The following ADD1 variants were observed in gnomAD, a reference collection of about 807,000 sequenced individuals.
The protein encoded by ADD1 is adducin 1.
In ADD1, 24 loss-of-function variants were observed where a neutral mutation model predicts 80.5. That is an observed-to-expected ratio of 0.30 (90% CI 0.22 to 0.42). ADD1 has a LOEUF of 0.42. Among genes scored for constraint, ADD1 ranks in the 10% least tolerant of loss-of-function variants. The pLI, the probability that ADD1 is intolerant of heterozygous loss-of-function variation, is 1.00. For missense variants in ADD1, 948 were observed against 1,019.0 expected, an observed-to-expected ratio of 0.93 and a Z score of 0.95; for synonymous variants, 373 against 393.8, an observed-to-expected ratio of 0.95 and a Z score of 0.63.
chr4:2,922,664 G>A (rs1442466839), intron 14 of ADD1, among the ~76,000 whole-genome samples: 6 of 152,250 alleles, frequency 3.9e-5, no homozygotes, highest in Non-Finnish European at 8.8e-5. Context: ...GAGCTTGAGT[G>A]CTGTGCTGGG....
At chr4:2,877,690 G>A (rs1252314481) in intron 2 of ADD1, among the ~76,000 whole-genome samples, 1 of 152,108 alleles carries the variant, frequency 6.6e-6, no homozygotes, top group Non-Finnish European at 1.5e-5. Context: ...AGAGGGGGCC[G>A]GGTGTGGGTG....
At chr4:2,897,217 C>T (rs1735391537) in intron 6 of ADD1, among the ~76,000 whole-genome samples, 1 of 151,904 alleles carries the variant, frequency 6.6e-6, no homozygotes, top group Non-Finnish European at 1.5e-5. Flanking sequence ...AAGCCTGTTA[C>T]TTTAGGGTCA....
intron 2 of ADD1, among the ~76,000 whole-genome samples, chr4:2,877,793 TG>T (rs1381667498): frequency 1.3e-5 from 2 of 152,116 alleles, no homozygotes; most frequent in Non-Finnish European, 2.9e-5. Context: ...GAGACCAGCC[TG>T]GGGAATCCGC....
At chr4:2,848,543 G>A (rs1726599273) in intron 1 of ADD1, among the ~76,000 whole-genome samples, 1 of 152,036 alleles carries the variant, frequency 6.6e-6, no homozygotes, top group African/African-American at 2.4e-5. Flanking sequence ...ATCATAGTTT[G>A]CCGCAGCCTT....
At chr4:2,922,439 C>T (rs936934275) in intron 14 of ADD1, among the ~76,000 whole-genome samples, 2 of 152,218 alleles carry the variant, frequency 1.3e-5, no homozygotes, top group African/African-American at 4.8e-5. Context: ...CGACTCCAGG[C>T]CCTGTTTGCC....
chr4:2,915,601 A>C (rs1738865902), intron 14 of ADD1, among the ~76,000 whole-genome samples: 1 of 152,204 alleles, frequency 6.6e-6, no homozygotes, highest in African/African-American at 2.4e-5. Context: ...AGATTGCACC[A>C]CGGCACTCCA....
chr4:2,897,740 G>T (rs183227201), intron 6 of ADD1, among the ~76,000 whole-genome samples: 1 of 151,934 alleles, frequency 6.6e-6, no homozygotes, highest in Admixed American at 6.6e-5. Context: ...CCAGGCTGAC[G>T]TCGAACTTCC....
At chr4:2,895,889 ATTTT>A (rs1434204816) in intron 6 of ADD1, among the ~76,000 whole-genome samples, 1 of 142,456 alleles carries the variant, frequency 7.0e-6, no homozygotes. Context: ...GTAATGCTGT[ATTTT>A]TTTTTTTTTT....
At chr4:2,907,583 G>T in intron 10 of ADD1, 160 bp from the exon 11 acceptor site, 1 of 638,230 alleles carries the variant, frequency 1.6e-6, no homozygotes, top group South Asian at 1.8e-5. Context: ...CTGCTCCCAT[G>T]GCGACTCTGC....
At chr4:2,853,317 G>A (rs1727596435) in intron 1 of ADD1, 1 of 151,946 alleles carries the variant, frequency 6.6e-6, no homozygotes, top group African/African-American at 2.4e-5. Context: ...ATGTTGGCCA[G>A]GCTGGTCTCA....
chr4:2,907,996 T>C lies in ADD1; in HGVS notation c.1608+152T>C, dbSNP rs55700772. On this transcript the variant is annotated intron_variant, in intron 11 of 15. Transcript: ENST00000683351. ...AAGCCATCTCTTCACACCGCTGCTGTTCTACCACCAGTGTGAAGTATGAGC... is the reference window on the plus strand; with the variant it reads ...AAGCCATCTCTTCACACCGCTGCTGCTCTACCACCAGTGTGAAGTATGAGC... 5,649 of 655,794 alleles carry C rather than the reference T, an allele frequency of 8.6e-3. 48 individuals carry two copies. The highest frequency in any genetic ancestry group is 0.011 in the Non-Finnish European group (4,067 of 364,532). 40.6% of individuals were successfully genotyped at this position (655,794 alleles called of 1,614,324 possible). A position where few individuals can be genotyped will look rare whatever the true frequency, so the allele number is the denominator to read the frequency against.
Position 2,876,101 on chromosome 4 carries a change from G to A in ADD1, c.186G>A (p.Leu62=). 1 of 1,612,314 alleles carries A rather than the reference G, an allele frequency of 6.2e-7. No individual in the cohort carries two copies. The change falls in exon 2 of 16, where the codon CTG becomes CTA. Residue 62 remains leucine (L), a synonymous_variant. Coordinates refer to ENST00000683351, the MANE Select transcript of ADD1 (RefSeq NM_001354761.2). ...MEQKKRVSMI[L]QSPAFCEELE... is the part of the protein sequence containing the mutation. ...AAAAGAAGAGGGTGTCCATGATTCT[G>A]CAAAGCCCTGTGAGAAGAGAAGTCT...
At chr4:2,898,927 C>G in intron 8 of ADD1, 2 of 376,458 alleles carry the variant, frequency 5.3e-6, no homozygotes, top group Non-Finnish European at 9.7e-6. Context: ...GCTGTGAGTT[C>G]CCCTCCGCTC....
intron 2 of ADD1, 61 bp downstream of exon 2, chr4:2,876,171 C>A: frequency 6.6e-7 from 1 of 1,512,490 alleles, no homozygotes; most frequent in Non-Finnish European, 8.9e-7. Flanking sequence ...TACTTCAGGT[C>A]TTATGCCCTG....
At chr4:2,910,768 G>A (rs1737884538) in intron 13 of ADD1, among the ~76,000 whole-genome samples, 1 of 152,206 alleles carries the variant, frequency 6.6e-6, no homozygotes, top group African/African-American at 2.4e-5. Flanking sequence ...CTGAACGATA[G>A]AGGTAGGGTC....
At chr4:2,884,371 C>G (rs1271521269) in intron 3 of ADD1, 144 bp from the exon 4 acceptor site, 1 of 501,322 alleles carries the variant, frequency 2.0e-6, no homozygotes, top group Non-Finnish European at 3.4e-6. Context: ...GCTTTGTTGC[C>G]TTGGCTATTC....
chr4:2,905,003 G>C lies in ADD1; in HGVS notation c.1401G>C (p.Lys467Asn), dbSNP rs112663622. Residue 467 changes from lysine (K) to asparagine (N), a missense_variant, in exon 10 of 16, where the codon AAG (lysine) becomes AAC (asparagine). Physicochemically the swap from Lys to Asn is moderately conservative, Grantham distance 94. Coordinates refer to ENST00000683351, the MANE Select transcript of ADD1 (RefSeq NM_001354761.2). ...AAGGGCAGAATGGAAGCAGTCCCAA[G>C]TCGAAGACTAAGGTGTGGACGAACA... ...SEEGQNGSSP[K>N]SKTKVWTNIT... The C allele has an allele frequency of 6.2e-7, 1 of 1,614,210 alleles. No homozygotes were observed. Among genetic ancestry groups the C allele is most frequent in the Non-Finnish European group, 8.5e-7 (1 of 1,180,046 alleles).
At chr4:2,885,663 G>T (rs1386173226) in intron 4 of ADD1, among the ~76,000 whole-genome samples, 2 of 151,418 alleles carry the variant, frequency 1.3e-5, no homozygotes, top group Non-Finnish European at 2.9e-5. Flanking sequence ...AGGCTGGAGT[G>T]CAGTGGTGCA....
At chr4:2,894,935 AAAACATG>A (rs1734942361) in intron 6 of ADD1, among the ~76,000 whole-genome samples, 1 of 152,124 alleles carries the variant, frequency 6.6e-6, no homozygotes, top group South Asian at 2.1e-4. Flanking sequence ...TTAATTTGGA[AAAACATG>A]TAATAAGTCT....
Sources: gnomAD v4.1 joint callset for allele counts (sites outside exome capture counted in the v4.1 genomes callset) on GRCh38, gnomAD v4.1.1 for gene constraint, MANE v1.5 for transcripts, NCBI Gene and HGNC (gene_info 2026-07-23, HGNC 2026-07-21) for gene names.